Variants in JAKMIP3 observed in about 807,000 individuals in gnomAD.
JAKMIP3 encodes the protein Janus kinase and microtubule interacting protein 3.
Under a neutral mutation model 118.5 loss-of-function variants are expected in JAKMIP3, and 58 were observed. The observed-to-expected ratio is 0.49, with a 90% CI of 0.40 to 0.61. The LOEUF is 0.61. Ranked by LOEUF, JAKMIP3 falls within the 20% of genes least tolerant of loss-of-function variation. JAKMIP3 has a pLI of 0.00. For synonymous variants in JAKMIP3, 486 were observed against 451.2 expected, an observed-to-expected ratio of 1.08 and a Z score of -0.98; for missense variants, 950 against 1,109.0, an observed-to-expected ratio of 0.86 and a Z score of 2.04.
rs376849490 is a variant in JAKMIP3 at position 132,136,522 on chromosome 10, G to A, written c.1116+446G>A. Among the ~76,000 whole-genome samples the A allele has an allele frequency of 1.1e-3, 163 of 152,340 alleles. 1 individual carries two copies. Among genetic ancestry groups the A allele is most frequent in the East Asian group, 7.0e-3 (36 of 5,176 alleles). On this transcript the variant is annotated intron_variant, in intron 6 of 23. Transcript: ENST00000684848. Reference sequence around the variant, plus strand: ...AGCCAGGAGTGGGGGGCCGTCAGCCGGTGTCACCACGTTCCCCTGCCCTGA... The same window carrying A: ...AGCCAGGAGTGGGGGGCCGTCAGCCAGTGTCACCACGTTCCCCTGCCCTGA...
intron 1 of JAKMIP3, among the ~76,000 whole-genome samples, chr10:132,101,732 G>C (rs9419191): frequency 0.23 from 35,334 of 151,706 alleles, 4,782 homozygotes; most frequent in African/African-American, 0.39. Context: ...GGAGCCCTGT[G>C]TCTCGGGGGC....
chr10:132,135,639 A>G (rs1199286261), intron 5 of JAKMIP3, among the ~76,000 whole-genome samples: 1 of 152,148 alleles, frequency 6.6e-6, no homozygotes, highest in African/African-American at 2.4e-5. Context: ...TGTCAATGGG[A>G]CGGGACTCAC....
Position 132,163,241 on chromosome 10 carries a change from T to C in JAKMIP3, c.2253T>C (p.Asp751=), listed in dbSNP as rs964197049. Residue 751 remains aspartate, a synonymous_variant, in exon 20 of 24, where the codon GAT becomes GAC. Coordinates refer to ENST00000684848, the MANE Select transcript of JAKMIP3 (RefSeq NM_001323087.2). ...HILELEAMLY[D]ALQQEAGAKV... is the part of the protein sequence containing the mutation. ...TGGAGCTGGAAGCCATGCTGTATGA[T>C]GCCCTGCAGCAGGAGGCCGGGGCTA... 1.3e-6 allele frequency: 2 copies of C among 1,573,640 alleles called. No homozygotes were observed. The highest frequency in any genetic ancestry group is 1.9e-5 in the Admixed American group (1 of 53,470).
chr10:132,176,518 G>A (rs1462090033), intron 23 of JAKMIP3, among the ~76,000 whole-genome samples: 1 of 152,114 alleles, frequency 6.6e-6, no homozygotes, highest in South Asian at 2.1e-4. Context: ...CTCTGACTTC[G>A]TGGCCCATCC....
chr10:132,151,060 C>T (rs2056096268), intron 16 of JAKMIP3, among the ~76,000 whole-genome samples: 1 of 151,752 alleles, frequency 6.6e-6, no homozygotes, highest in South Asian at 2.1e-4. Context: ...TACCCATTAA[C>T]CTTTCACCCA....
intron 9 of JAKMIP3, among the ~76,000 whole-genome samples, chr10:132,139,193 T>TGA (rs1457766470): frequency 4.3e-4 from 36 of 83,024 alleles, no homozygotes; most frequent in African/African-American, 2.1e-3. Context: ...TGTATGTGTG[T>TGA]GTATGAGTGT....
intron 19 of JAKMIP3, among the ~76,000 whole-genome samples, chr10:132,161,389 G>T: frequency 2.4e-5 from 1 of 42,378 alleles, no homozygotes. Context: ...TGATGCTGGG[G>T]GGGGTCTATT....
chr10:132,052,982 ATTGT>A (rs1564852146), intron 1 of JAKMIP3, among the ~76,000 whole-genome samples: 3 of 152,180 alleles, frequency 2.0e-5, no homozygotes, highest in South Asian at 2.1e-4. Context: ...GGGTCTTTTA[ATTGT>A]TTGTATCCTG....
Position 132,117,059 on chromosome 10 carries a change from C to A in JAKMIP3, c.136-18C>A. On this transcript the variant is annotated intron_variant, in intron 2 of 23. Transcript: ENST00000684848. This position sits in a 1 kb window ranked among gnomAD's most constrained non-coding sequence, Gnocchi z 8.6. The stretch of plus-strand genomic sequence containing the variant: ...GGCTGGAGCTCCTGCCACACTCAGT[C>A]TCGCTGTTGTCTTTCAGGTCAGCAA... 1 of 1,591,300 alleles carries A rather than the reference C, an allele frequency of 6.3e-7. No individual in the cohort carries two copies. Among genetic ancestry groups the A allele is most frequent in the South Asian group, 1.1e-5 (1 of 88,036 alleles).
chr10:132,125,692 CATT>C (rs1278152903), intron 3 of JAKMIP3, among the ~76,000 whole-genome samples: 2 of 152,206 alleles, frequency 1.3e-5, no homozygotes, highest in African/African-American at 4.8e-5. Context: ...TCTTACATAT[CATT>C]ATTATAATTA....
chr10:132,140,447 C>G lies in JAKMIP3; in HGVS notation c.1345-4C>G, dbSNP rs373697625. The G allele has an allele frequency of 3.1e-5, 50 of 1,613,528 alleles. No homozygotes were observed. The highest frequency in any genetic ancestry group is 4.2e-5 in the Non-Finnish European group (50 of 1,179,842). The stretch of plus-strand genomic sequence containing the variant: ...GAACTGACACGTCGCATTTTGGTCA[C>G]AAGCCGGTGGTTGTGGAGACCTTCT... On this transcript the variant is annotated splice_region_variant and splice_polypyrimidine_tract_variant and intron_variant, in intron 9 of 23. Coordinates refer to ENST00000684848, the MANE Select transcript of JAKMIP3 (RefSeq NM_001323087.2).
rs1340244643 is a variant in JAKMIP3, at chr10:132,179,373, A to G, written c.*1104-2984A>G. On this transcript the variant is annotated intron_variant, in intron 23 of 23. Transcript: ENST00000684848. This position sits in a 1 kb window ranked among gnomAD's most constrained non-coding sequence, Gnocchi z 4.3. ...ACTATGCCTGAGCTCCCCACATCCT[A>G]CCTCTCTCCTGTCACTCGAAGCTCA... is the stretch of plus-strand genomic sequence containing the variant. 6.6e-6 allele frequency among the ~76,000 whole-genome samples: 1 copy of G among 150,946 alleles called. No homozygotes were observed. Among genetic ancestry groups the G allele is most frequent in the Admixed American group, 6.6e-5 (1 of 15,162 alleles).
chr10:132,080,107 A>G (rs7096687), intron 1 of JAKMIP3, among the ~76,000 whole-genome samples: 152,365 of 152,366 alleles, frequency 1, 76,182 homozygotes, highest in Middle Eastern at 1. Context: ...TTGAGCCCAG[A>G]AGTTGGAGGC....
At chr10:132,142,147 C>T in intron 11 of JAKMIP3, 99 bp downstream of exon 11, 2 of 1,329,134 alleles carry the variant, frequency 1.5e-6, no homozygotes, top group East Asian at 2.5e-5. Flanking sequence ...CCCTCCTGGG[C>T]CCGGGCCCCT....
At chr10:132,075,154 A>G (rs967367853) in intron 1 of JAKMIP3, among the ~76,000 whole-genome samples, 2 of 152,128 alleles carry the variant, frequency 1.3e-5, no homozygotes, top group Admixed American at 1.3e-4. Context: ...TCTCTTGGCC[A>G]TTTGAACTCC....
Position 132,180,594 on chromosome 10 carries a change from TGTGC to T in JAKMIP3, c.*1104-1757_*1104-1754del, listed in dbSNP as rs1169410062. Among the ~76,000 whole-genome samples the T allele has an allele frequency of 4.1e-4, 10 of 24,604 alleles. 2 individuals are homozygous for T. Among genetic ancestry groups the T allele is most frequent in the East Asian group, 1.5e-3 (1 of 648 alleles). 16.1% of individuals were successfully genotyped at this position (24,604 alleles called of 152,430 possible). On this transcript the variant is annotated intron_variant, in intron 23 of 23. Coordinates refer to ENST00000684848, the MANE Select transcript of JAKMIP3 (RefSeq NM_001323087.2). ...GTGTGTGTGTGCGTGCGCGTGTGTG[TGTGC>T]GTGCGCGTGTGTGTGTGCGTGTGTG...
chr10:132,142,849 C>T (rs559394747), intron 11 of JAKMIP3, among the ~76,000 whole-genome samples: 3 of 152,020 alleles, frequency 2.0e-5, no homozygotes, highest in South Asian at 4.1e-4. Flanking sequence ...CCTCCCCACC[C>T]CAAAACCACC....
At chr10:132,155,657 T>C (rs1408586538) in intron 19 of JAKMIP3, among the ~76,000 whole-genome samples, 3 of 152,176 alleles carry the variant, frequency 2.0e-5, no homozygotes, top group Non-Finnish European at 2.9e-5. Context: ...CCACTAGGGA[T>C]TGGGAGTTCC....
At position 132,168,590 on chromosome 10, in the gene JAKMIP3, C is replaced by T; in HGVS notation, c.*660C>T. ...TCATCTCTGTGGGGACAGACAAGAG[C>T]CGTGGCCGCCGCGGGCCGCGTGGTG... On this transcript the variant is annotated 3_prime_UTR_variant, in exon 23 of 24. Coordinates refer to ENST00000684848, the MANE Select transcript of JAKMIP3 (RefSeq NM_001323087.2). The T allele has an allele frequency of 5.5e-6, 2 of 365,738 alleles. No homozygotes were observed. Among genetic ancestry groups the T allele is most frequent in the Non-Finnish European group, 5.2e-6 (1 of 192,506 alleles). The allele number at this position is 365,738 out of a possible 1,614,324, so 22.7% of individuals were successfully genotyped here.
Sources: allele counts gnomAD v4.1 joint callset (sites outside exome capture counted in the v4.1 genomes callset), GRCh38; gene constraint gnomAD v4.1.1; non-coding constraint Gnocchi (gnomAD v3.1); transcripts MANE v1.5; gene names NCBI Gene and HGNC (gene_info 2026-07-23, HGNC 2026-07-21).